Variants in COL28A1 observed in about 807,000 individuals in gnomAD.
COL28A1 encodes collagen type XXVIII alpha 1 chain.
In COL28A1, 161 loss-of-function variants were observed where a neutral mutation model predicts 150.2. The observed-to-expected ratio is 1.07, with a 90% CI of 0.94 to 1.22. COL28A1 has a LOEUF of 1.22. Among genes scored for constraint, COL28A1 ranks in the 50% most tolerant of loss-of-function variants. The probability of loss-of-function intolerance (pLI) is 0.00; values close to 1 mark genes in which losing one functional copy is unlikely to be tolerated. For missense variants in COL28A1, 1,617 were observed against 1,388.3 expected (o/e 1.16, Z -2.62); for synonymous variants, 552 against 469.7 (o/e 1.18, Z -2.26).
intron 26 of COL28A1, among the ~76,000 whole-genome samples, chr7:7,419,387 A>G (rs1424014897): frequency 2.0e-5 from 3 of 152,188 alleles, no homozygotes; most frequent in African/African-American, 7.2e-5. Context: ...TAAAAGAATA[A>G]AAGGATGAAT....
chr7:7,527,413 T>G (rs1346154561), intron 3 of COL28A1, among the ~76,000 whole-genome samples: 1 of 152,208 alleles, frequency 6.6e-6, no homozygotes, highest in African/African-American at 2.4e-5. Flanking sequence ...TATGCTGTCC[T>G]ATATGTCAAA....
intron 15 of COL28A1, among the ~76,000 whole-genome samples, chr7:7,469,625 G>A (rs1312389848): frequency 1.0e-5 from 1 of 99,624 alleles, no homozygotes; most frequent in Admixed American, 1.2e-4. Flanking sequence ...AGTTCATATG[G>A]AACCAAAAAA....
chr7:7,454,837 A>G (rs1204024151), intron 16 of COL28A1, among the ~76,000 whole-genome samples: 1 of 152,236 alleles, frequency 6.6e-6, no homozygotes, highest in Non-Finnish European at 1.5e-5. Context: ...TCAAATGATG[A>G]TATTTGAGTA....
chr7:7,438,287 AT>A (rs979494037), intron 21 of COL28A1, among the ~76,000 whole-genome samples: 1 of 152,148 alleles, frequency 6.6e-6, no homozygotes, highest in Non-Finnish European at 1.5e-5. Flanking sequence ...AAAAAATGAC[AT>A]TTTTAATAGA....
intron 11 of COL28A1, among the ~76,000 whole-genome samples, chr7:7,502,583 C>T (rs76347026): frequency 0.017 from 2,592 of 151,892 alleles, 96 homozygotes; most frequent in African/African-American, 0.059. Context: ...GGAATCTTTG[C>T]AAATGTTGCA....
chr7:7,344,279 A>G, the COL28A1 span, among the ~76,000 whole-genome samples: 2 of 152,088 alleles, frequency 1.3e-5, no homozygotes, highest in East Asian at 3.9e-4. Context: ...CTATTGTCTC[A>G]TTATTTGTCT....
chr7:7,406,373 T>C (rs1329700506), intron 27 of COL28A1, among the ~76,000 whole-genome samples: 1 of 152,176 alleles, frequency 6.6e-6, no homozygotes, highest in Non-Finnish European at 1.5e-5. Flanking sequence ...ACTTTGCTTA[T>C]TCATTCAACA....
chr7:7,450,854 C>A (rs1020917842), intron 18 of COL28A1, among the ~76,000 whole-genome samples: 4 of 152,030 alleles, frequency 2.6e-5, no homozygotes, highest in African/African-American at 7.2e-5. Context: ...CGATTAATAT[C>A]AATGAATTAG....
chr7:7,471,442 C>T (rs1788420367), intron 15 of COL28A1, among the ~76,000 whole-genome samples: 1 of 152,152 alleles, frequency 6.6e-6, no homozygotes, highest in Non-Finnish European at 1.5e-5. Flanking sequence ...ACCAATATCC[C>T]TCATGAACAT....
chr7:7,440,579 C>G (rs1294310203), intron 21 of COL28A1, among the ~76,000 whole-genome samples: 1 of 152,200 alleles, frequency 6.6e-6, no homozygotes, highest in Non-Finnish European at 1.5e-5. Context: ...ATAAGTATTT[C>G]TATGAGTATT....
chr7:7,497,225 G>C (rs778771731), intron 11 of COL28A1, among the ~76,000 whole-genome samples: 2 of 152,130 alleles, frequency 1.3e-5, no homozygotes, highest in Non-Finnish European at 2.9e-5. Context: ...GTTATAAAAG[G>C]CTTGTTTTTA....
At chr7:7,370,685 A>G (rs759238717) in intron 33 of COL28A1, 40 bp downstream of exon 33, 1 of 1,539,870 alleles carries the variant, frequency 6.5e-7, no homozygotes, top group Admixed American at 1.8e-5. Flanking sequence ...GAGAGAATAC[A>G]CCATTTTAAG....
At chr7:7,384,532 AGTT>A (rs1291472769) in intron 27 of COL28A1, among the ~76,000 whole-genome samples, 1 of 152,190 alleles carries the variant, frequency 6.6e-6, no homozygotes, top group Non-Finnish European at 1.5e-5. Flanking sequence ...TATTGCTTAT[AGTT>A]GTTCTATTTT....
At chr7:7,523,084 G>T (rs1781826971) in intron 4 of COL28A1, among the ~76,000 whole-genome samples, 2 of 151,712 alleles carry the variant, frequency 1.3e-5, no homozygotes, top group South Asian at 4.2e-4. Context: ...TATTTCCACA[G>T]GTATAAAATA....
chr7:7,538,721 G>A (rs10486182), upstream of COL28A1, among the ~76,000 whole-genome samples: 83,050 of 151,806 alleles, frequency 0.55, 24,822 homozygotes, highest in Admixed American at 0.68. Context: ...GTATCTGCAT[G>A]AAGTCATAGA....
Position 7,443,538 on chromosome 7 carries a change from G to T in COL28A1, c.1650+47C>A, listed in dbSNP as rs763226641. On this transcript the variant is annotated intron_variant, in intron 20 of 34. Transcript: ENST00000399429. Reference sequence around the variant, plus strand: ...TTCTTCTAAGTTGGCTCCTCAGTATGAGGACCAGAACACAGGCTGCTTCCA... The same window carrying T: ...TTCTTCTAAGTTGGCTCCTCAGTATTAGGACCAGAACACAGGCTGCTTCCA... 7.5e-6 allele frequency: 12 copies of T among 1,607,358 alleles called. No individual in the cohort carries two copies. The African/African-American group carries it at 1.6e-4, about 22-fold the overall frequency.
At chr7:7,393,566 C>G (rs1354856653) in intron 27 of COL28A1, among the ~76,000 whole-genome samples, 1 of 152,092 alleles carries the variant, frequency 6.6e-6, no homozygotes, top group Non-Finnish European at 1.5e-5. Context: ...TCTCCCCTTC[C>G]CCCAGGTGCT....
chr7:7,516,546 G>C (rs1282098613), intron 7 of COL28A1, among the ~76,000 whole-genome samples: 1 of 152,124 alleles, frequency 6.6e-6, no homozygotes, highest in Admixed American at 6.5e-5. Flanking sequence ...ACATGGCCTG[G>C]GAAATCACCA....
At chr7:7,452,526 G>A (rs550369833) in intron 17 of COL28A1, 139 bp from the exon 18 acceptor site, 26 of 1,285,482 alleles carry the variant, frequency 2.0e-5, no homozygotes, top group Middle Eastern at 2.7e-4. Flanking sequence ...AAATCCCTTC[G>A]GGGGATGGAT....
Sources: gnomAD v4.1 joint callset for allele counts (sites outside exome capture counted in the v4.1 genomes callset) on GRCh38, gnomAD v4.1.1 for gene constraint, MANE v1.5 for transcripts, NCBI Gene and HGNC (gene_info 2026-07-23, HGNC 2026-07-21) for gene names.